PLCG2: variants seen among roughly 807,000 people sequenced by gnomAD.
The protein encoded by PLCG2 is 1-phosphatidylinositol 4,5-bisphosphate phosphodiesterase gamma-2.
In PLCG2, 69 loss-of-function variants were observed where a neutral mutation model predicts 175.6. The observed-to-expected ratio is 0.39, with a 90% CI of 0.32 to 0.48. The LOEUF (loss-of-function observed/expected upper bound fraction) is 0.48, where lower values mean the gene tolerates loss of function less well. Ranked by LOEUF, PLCG2 falls within the 20% of genes least tolerant of loss-of-function variation. The pLI, the probability that PLCG2 is intolerant of heterozygous loss-of-function variation, is 0.91. For synonymous variants in PLCG2, 827 were observed against 624.0 expected (o/e 1.33, Z -4.85); for missense variants, 1,798 against 1,650.9 (o/e 1.09, Z -1.54).
In PLCG2 at chr16:81,929,848, G is replaced by A. The variant is rs60395073; in HGVS notation, c.2581+1224G>A. ...GCTGAGGTCCTTTGGGCAGGGGGGT[G>A]CAGGATCCCTGCATCCACTTCTGGT... On this transcript the variant is annotated intron_variant, in intron 24 of 32. Transcript: ENST00000564138. Among the ~76,000 whole-genome samples, 30 of 152,380 alleles carry A rather than the reference G, an allele frequency of 2.0e-4. 1 individual carries two copies. In the East Asian group the frequency reaches 4.8e-3, roughly 24 times the overall value.
chr16:81,798,034 T>C (rs1383786180), intron 2 of PLCG2, among the ~76,000 whole-genome samples: 1 of 152,132 alleles, frequency 6.6e-6, no homozygotes, highest in East Asian at 1.9e-4. Flanking sequence ...TTCCACCATG[T>C]TGACCAGGCT....
intron 8 of PLCG2, among the ~76,000 whole-genome samples, chr16:81,882,570 A>C (rs1908137354): frequency 6.6e-6 from 1 of 151,950 alleles, no homozygotes; most frequent in Non-Finnish European, 1.5e-5. Context: ...AGGCACACTC[A>C]CATCCCTGTG....
chr16:81,884,423 C>T (rs1188568454), intron 9 of PLCG2, among the ~76,000 whole-genome samples: 2 of 152,054 alleles, frequency 1.3e-5, no homozygotes, highest in African/African-American at 2.4e-5. Context: ...GCACCAAGTA[C>T]CTACAGTGCT....
intron 30 of PLCG2, among the ~76,000 whole-genome samples, chr16:81,940,514 T>C (rs1393789625): frequency 1.3e-5 from 2 of 152,098 alleles, no homozygotes; most frequent in African/African-American, 4.8e-5. Context: ...GAATTCACCT[T>C]CTTCTTCTAT....
intron 2 of PLCG2, among the ~76,000 whole-genome samples, chr16:81,808,529 T>G (rs752473171): frequency 3.9e-5 from 6 of 152,174 alleles, no homozygotes; most frequent in Non-Finnish European, 5.9e-5. Flanking sequence ...AGTCTCCCTC[T>G]GTCGCCCAGG....
At chr16:81,811,159 GC>G (rs1384392468) in intron 2 of PLCG2, among the ~76,000 whole-genome samples, 1 of 152,166 alleles carries the variant, frequency 6.6e-6, no homozygotes, top group Non-Finnish European at 1.5e-5. Flanking sequence ...GGTTGAACAA[GC>G]CTGGGCTTGC....
At chr16:81,860,971 C>A (rs112196117) in intron 5 of PLCG2, among the ~76,000 whole-genome samples, 1 of 151,712 alleles carries the variant, frequency 6.6e-6, no homozygotes, top group Non-Finnish European at 1.5e-5. Context: ...AGCAAGACTC[C>A]GTCTCAAAAA....
chr16:81,816,483 A>ATT (rs35287968), intron 2 of PLCG2, among the ~76,000 whole-genome samples: 132 of 147,164 alleles, frequency 9.0e-4, no homozygotes, highest in Middle Eastern at 6.9e-3. Flanking sequence ...CCTCATTATA[A>ATT]TTTTTTTTTT....
In PLCG2 at chr16:81,959,196, G is replaced by A. The variant is rs529054083; in HGVS notation, c.*1198G>A. 10 of 226,476 alleles carry A rather than the reference G, an allele frequency of 4.4e-5. No individual in the cohort carries two copies. The South Asian group carries it at 1.8e-3, about 41-fold the overall frequency. 14.0% of individuals were successfully genotyped at this position (226,476 alleles called of 1,614,324 possible). The stretch of plus-strand genomic sequence containing the variant: ...CTGATGGGAAAAGGAGTGTAACTGT[G>A]AAAAACGATGGCTGTGGTGGGGAAG... On this transcript the variant is annotated 3_prime_UTR_variant, in exon 33 of 33. Transcript: ENST00000564138.
chr16:81,946,359 C>A, intron 31 of PLCG2, 96 bp downstream of exon 31: 1 of 867,644 alleles, frequency 1.2e-6, no homozygotes, highest in Non-Finnish European at 2.0e-6. Flanking sequence ...GGACTTAAGC[C>A]CATTCAGAAT....
chr16:81,858,008 T>G (rs1171541352), intron 3 of PLCG2: 1 of 466,696 alleles, frequency 2.1e-6, no homozygotes, highest in Non-Finnish European at 3.9e-6. Context: ...CTTAGCTGAT[T>G]CCATTTGGCA....
chr16:81,752,340 C>T lies in PLCG2; in HGVS notation c.-144-3530C>T, dbSNP rs114424308. On this transcript the variant is annotated intron_variant, in intron 1 of 5. Coordinates refer to the PLCG2 transcript ENST00000565054. ...CGGCCAGCTCTGAGAAGTACCCGGC[C>T]AGCTCCTCCACTCTGCCTGACAGGG... Among the ~76,000 whole-genome samples, 138 of 152,324 alleles carry T rather than the reference C, an allele frequency of 9.1e-4. 1 individual carries two copies. Among genetic ancestry groups the T allele is most frequent in the African/African-American group, 3.2e-3 (134 of 41,572 alleles).
intron 1 of PLCG2, among the ~76,000 whole-genome samples, chr16:81,743,441 A>T (rs962622400): frequency 6.6e-6 from 1 of 152,258 alleles, no homozygotes. Context: ...TCACCCAGGC[A>T]AAGAGCCCAG....
intron 2 of PLCG2, among the ~76,000 whole-genome samples, chr16:81,808,093 C>T (rs1904290002): frequency 6.6e-6 from 1 of 152,240 alleles, no homozygotes; most frequent in African/African-American, 2.4e-5. Context: ...AATAGTGCTG[C>T]TGTGAACATT....
intron 2 of PLCG2, chr16:81,852,016 C>CTG (rs10686622): frequency 0.78 from 119,267 of 152,108 alleles, 47,623 homozygotes; most frequent in Non-Finnish European, 0.86. Context: ...TTGCTCACCT[C>CTG]TGGACTTCGT....
chr16:81,933,170 T>G (rs1910574895), intron 25 of PLCG2, among the ~76,000 whole-genome samples: 1 of 152,238 alleles, frequency 6.6e-6, no homozygotes, highest in South Asian at 2.1e-4. Flanking sequence ...CCTCTCTAAC[T>G]GGTTTTTATA....
chr16:81,884,265 G>T (rs8049024), intron 9 of PLCG2, among the ~76,000 whole-genome samples: 95,613 of 151,882 alleles, frequency 0.63, 30,365 homozygotes, highest in East Asian at 0.7. Flanking sequence ...GCAGGAGAAT[G>T]GCTTGAACCT....
At chr16:81,886,341 G>C (rs146089618) in intron 9 of PLCG2, among the ~76,000 whole-genome samples, 34 of 152,198 alleles carry the variant, frequency 2.2e-4, no homozygotes, top group Non-Finnish European at 4.7e-4. Flanking sequence ...GAGCATCCAT[G>C]CGATGTTTGT....
intron 1 of PLCG2, among the ~76,000 whole-genome samples, chr16:81,783,951 C>G (rs998060714): frequency 5.9e-5 from 9 of 152,266 alleles, no homozygotes; most frequent in African/African-American, 2.2e-4. Flanking sequence ...CCCCTGAAAG[C>G]TTTTTCTGAG....
Sources: allele counts gnomAD v4.1 joint callset (sites outside exome capture counted in the v4.1 genomes callset), GRCh38; gene constraint gnomAD v4.1.1; transcripts MANE v1.5; gene names NCBI Gene and HGNC (gene_info 2026-07-23, HGNC 2026-07-21).